Variants in EVC2 observed in about 807,000 individuals in gnomAD.
EVC2 encodes the protein EvC ciliary complex subunit 2, also known as limbin.
EVC2 carries 148 observed loss-of-function variants against 149.3 expected under a neutral mutation model. The observed-to-expected ratio is 0.99, with a 90% CI of 0.87 to 1.14. The LOEUF is 1.14. EVC2 is among the 50% of genes most tolerant of loss of function. The pLI, the probability that EVC2 is intolerant of heterozygous loss-of-function variation, is 0.00. For missense variants in EVC2, 1,854 were observed against 1,627.3 expected (o/e 1.14, Z -2.40); for synonymous variants, 776 against 649.9 (o/e 1.19, Z -2.95).
intron 4 of EVC2, among the ~76,000 whole-genome samples, chr4:5,689,951 C>T (rs903135583): frequency 2.6e-5 from 4 of 152,174 alleles, no homozygotes; most frequent in African/African-American, 9.7e-5. Flanking sequence ...AGCTTCTCTC[C>T]AGCTCTGCTG....
At chr4:5,605,892 T>A (rs1714357597) in intron 16 of EVC2, among the ~76,000 whole-genome samples, 1 of 152,214 alleles carries the variant, frequency 6.6e-6, no homozygotes, top group South Asian at 2.1e-4. Context: ...AACCGTATCC[T>A]TGCTGTGGCA....
chr4:5,665,561 A>G lies in EVC2; in HGVS notation c.959T>C (p.Met320Thr). The G allele has an allele frequency of 5.0e-6, 8 of 1,614,212 alleles. No individual in the cohort carries two copies. Among genetic ancestry groups the G allele is most frequent in the East Asian group, 2.2e-5 (1 of 44,884 alleles). The change falls in exon 8 of 22, where the codon ATG (methionine) becomes ACG (threonine). Residue 320 changes from methionine (M) to threonine (T), a missense_variant. By Grantham distance (81) the Met-to-Thr change is moderately conservative. Coordinates refer to ENST00000344408, the MANE Select transcript of EVC2 (RefSeq NM_147127.5). ...LVLTWAALFL[M>T]VRYQCLKGNM... is the part of the protein sequence containing the mutation. ...TCCCTTCAGACACTGATAGCGAACC[A>G]TGAGGAAGAGGGCAGCCCAGGTCAG... is the stretch of plus-strand genomic sequence containing the variant.
At chr4:5,706,151 A>T (rs58983068) in intron 1 of EVC2, among the ~76,000 whole-genome samples, 1 of 151,528 alleles carries the variant, frequency 6.6e-6, no homozygotes, top group South Asian at 2.1e-4. Flanking sequence ...GTCTTGACTG[A>T]CCTTCCAGAC....
chr4:5,628,600 G>A lies in EVC2; in HGVS notation c.1845C>T (p.Thr615=), dbSNP rs112747818. The change falls in exon 12 of 22, where the codon ACC becomes ACT. Residue 615 remains threonine, a synonymous_variant. Coordinates refer to ENST00000344408, the MANE Select transcript of EVC2 (RefSeq NM_147127.5). ...SETRVQGLLS[T]AAAQLTHLIQ... is the part of the protein sequence containing the mutation. ...TGAGGTGAGTCAGCTGGGCTGCAGC[G>A]GTGCTCAGAAGGCCCTGCACACGGG... 1.1e-3 allele frequency: 1,844 copies of A among 1,614,034 alleles called. 7 individuals carry two copies. In the African/African-American group the frequency reaches 0.015, roughly 13 times the overall value.
At chr4:5,542,969 T>G (rs1239322515) in intron 22 of EVC2, 1 of 390,684 alleles carries the variant, frequency 2.6e-6, no homozygotes, top group Non-Finnish European at 4.8e-6. Flanking sequence ...TGTAAACAAG[T>G]CCTCCCACAC....
At chr4:5,548,753 T>C (rs1286401409) in intron 21 of EVC2, among the ~76,000 whole-genome samples, 1 of 152,208 alleles carries the variant, frequency 6.6e-6, no homozygotes, top group Non-Finnish European at 1.5e-5. Context: ...TCATTTTTTG[T>C]GCTCTTATCT....
intron 5 of EVC2, among the ~76,000 whole-genome samples, chr4:5,688,239 T>C (rs909051161): frequency 1.3e-5 from 2 of 152,126 alleles, no homozygotes; most frequent in Non-Finnish European, 2.9e-5. Flanking sequence ...AGGCCTTATC[T>C]AGGCTCAGAG....
At chr4:5,544,857 C>A (rs904483447) in intron 21 of EVC2, among the ~76,000 whole-genome samples, 2 of 152,158 alleles carry the variant, frequency 1.3e-5, no homozygotes, top group African/African-American at 4.8e-5. Flanking sequence ...TCCAGCCCTG[C>A]AGCCCCCAGC....
rs1297411897 is a variant in EVC2 at position 5,657,624 on chromosome 4, G to A, written c.1145+5483C>T. ...ACACCATTGTGTAGAGGCACCTACT[G>A]TGCCAGGCACTGTTGGAGGCACTGG... On this transcript the variant is annotated intron_variant, in intron 9 of 21. Transcript: ENST00000344408. This position sits in a 1 kb window ranked among gnomAD's most constrained non-coding sequence, Gnocchi z 4.7. Among the ~76,000 whole-genome samples, 1 of 151,832 alleles carries A rather than the reference G, an allele frequency of 6.6e-6. No individual in the cohort carries two copies. Among genetic ancestry groups the A allele is most frequent in the Non-Finnish European group, 1.5e-5 (1 of 68,000 alleles).
chr4:5,642,095 C>CGGAAA (rs1717374434), intron 9 of EVC2, among the ~76,000 whole-genome samples: 1 of 152,156 alleles, frequency 6.6e-6, no homozygotes, highest in African/African-American at 2.4e-5. Context: ...CATCCATGTC[C>CGGAAA]CTGCAAAGCA....
At chr4:5,697,094 T>C (rs1721522192) in intron 2 of EVC2, among the ~76,000 whole-genome samples, 1 of 152,066 alleles carries the variant, frequency 6.6e-6, no homozygotes, top group Non-Finnish European at 1.5e-5. Context: ...CCCCAATCCA[T>C]CCCTAAGGAA....
chr4:5,634,714 C>T (rs1027348927), intron 10 of EVC2, among the ~76,000 whole-genome samples: 3 of 152,144 alleles, frequency 2.0e-5, no homozygotes, highest in African/African-American at 7.2e-5. Context: ...CACCCCTGAC[C>T]TAGTTCAACC....
chr4:5,560,231 T>C (rs1351176242), downstream of EVC2, among the ~76,000 whole-genome samples: 1 of 152,040 alleles, frequency 6.6e-6, no homozygotes, highest in African/African-American at 2.4e-5. The surrounding 1 kb of genome is among the most constrained non-coding windows in gnomAD (Gnocchi z 4.1). Context: ...TGTGTGAAGA[T>C]ACAGCCCTTC....
intron 17 of EVC2, among the ~76,000 whole-genome samples, chr4:5,580,934 G>A (rs919131467): frequency 1.3e-5 from 2 of 152,064 alleles, no homozygotes; most frequent in African/African-American, 4.8e-5. Context: ...TGAGTGAGTT[G>A]TAGTGAGATC....
At chr4:5,536,739 A>C in the EVC2 span, among the ~76,000 whole-genome samples, 2 of 151,824 alleles carry the variant, frequency 1.3e-5, no homozygotes, top group Non-Finnish European at 1.5e-5. Context: ...AGCAGAGATC[A>C]CGCCACTGCA....
intron 16 of EVC2, among the ~76,000 whole-genome samples, chr4:5,611,949 G>C (rs1054100527): frequency 5.3e-5 from 8 of 152,298 alleles, no homozygotes; most frequent in African/African-American, 1.7e-4. Context: ...TAAATGACTA[G>C]AGGGCGCCAG....
At chr4:5,619,730 C>T (rs1460152095) in intron 14 of EVC2, among the ~76,000 whole-genome samples, 2 of 152,170 alleles carry the variant, frequency 1.3e-5, no homozygotes, top group East Asian at 3.8e-4. Context: ...CCAGCAAGGC[C>T]CACAGCCCAC....
intron 9 of EVC2, among the ~76,000 whole-genome samples, chr4:5,661,848 T>C (rs1353720474): frequency 6.6e-6 from 1 of 152,228 alleles, no homozygotes. Flanking sequence ...GCAAGTTACT[T>C]AACCTCTCTC....
rs1331875628 is a variant in EVC2 at position 5,631,908 on chromosome 4, A to G, written c.1595T>C (p.Phe532Ser). 3 of 1,614,186 alleles carry G rather than the reference A, an allele frequency of 1.9e-6. No homozygotes were observed. Among genetic ancestry groups the G allele is most frequent in the East Asian group, 2.2e-5 (1 of 44,880 alleles). ...FAKAHRQLAV[F>S]QRNELHSIFF... ...GATACTGTGCAGTTCATTTCTCTGG[A>G]AAACAGCCAGCTGTCTGTGAGCTTT... Residue 532 changes from phenylalanine to serine, a missense_variant, in exon 11 of 22, where the codon TTC (phenylalanine) becomes TCC (serine). Transcript: ENST00000344408.
Sources: allele counts gnomAD v4.1 joint callset (sites outside exome capture counted in the v4.1 genomes callset), GRCh38; gene constraint gnomAD v4.1.1; non-coding constraint Gnocchi (gnomAD v3.1); transcripts MANE v1.5; gene names NCBI Gene and HGNC (gene_info 2026-07-23, HGNC 2026-07-21).